The following TSHZ2 variants were observed in gnomAD, a reference collection of about 807,000 sequenced individuals.
TSHZ2 encodes the protein teashirt homolog 2.
In TSHZ2, 21 loss-of-function variants were observed where a neutral mutation model predicts 74.4. The observed-to-expected ratio is 0.28, with a 90% CI of 0.20 to 0.41. TSHZ2 has a LOEUF of 0.41. Ranked by LOEUF, TSHZ2 falls within the 10% of genes least tolerant of loss-of-function variation. TSHZ2 has a pLI of 1.00. For synonymous variants in TSHZ2, 540 were observed against 515.3 expected (o/e 1.05, Z -0.65); for missense variants, 1,244 against 1,293.5 (o/e 0.96, Z 0.59).
At chr20:53,483,900 T>C (rs1330987494) in intron 2 of TSHZ2, among the ~76,000 whole-genome samples, 1 of 152,174 alleles carries the variant, frequency 6.6e-6, no homozygotes, top group Non-Finnish European at 1.5e-5. Flanking sequence ...GAAGTGATAA[T>C]AAAACAAAGT....
At chr20:53,088,513 G>C (rs1985768355) in intron 1 of TSHZ2, among the ~76,000 whole-genome samples, 2 of 152,288 alleles carry the variant, frequency 1.3e-5, no homozygotes, top group South Asian at 4.2e-4. Flanking sequence ...CCGTCCTGCT[G>C]TTGTCAACTC....
intron 2 of TSHZ2, among the ~76,000 whole-genome samples, chr20:53,288,027 A>G (rs973210042): frequency 2.7e-4 from 41 of 152,166 alleles, no homozygotes; most frequent in African/African-American, 9.2e-4. Flanking sequence ...GAGGCTGGCC[A>G]TAGAGGAAAC....
intron 2 of TSHZ2, among the ~76,000 whole-genome samples, chr20:53,436,533 A>ATTTT (rs1444141242): frequency 6.0e-5 from 7 of 115,928 alleles, no homozygotes; most frequent in African/African-American, 1.7e-4. Context: ...ATTTATTATT[A>ATTTT]TTATTATTAT....
intron 1 of TSHZ2, among the ~76,000 whole-genome samples, chr20:53,242,314 C>T (rs961909321): frequency 4.6e-5 from 7 of 152,058 alleles, no homozygotes; most frequent in Non-Finnish European, 8.8e-5. Flanking sequence ...GAACAAAAAC[C>T]ACCCCCAGAA....
At chr20:53,336,917 A>G (rs932957328) in intron 2 of TSHZ2, among the ~76,000 whole-genome samples, 1 of 152,230 alleles carries the variant, frequency 6.6e-6, no homozygotes, top group African/African-American at 2.4e-5. Context: ...GCATATTTAT[A>G]TAATGTATTA....
chr20:53,324,618 CA>C (rs1384147813), intron 2 of TSHZ2, among the ~76,000 whole-genome samples: 1 of 152,134 alleles, frequency 6.6e-6, no homozygotes, highest in African/African-American at 2.4e-5. Flanking sequence ...TCAAGTGATC[CA>C]CCCACCTCAG....
chr20:53,464,874 C>T (rs570908651), intron 2 of TSHZ2, among the ~76,000 whole-genome samples: 1 of 152,204 alleles, frequency 6.6e-6, no homozygotes, highest in East Asian at 1.9e-4. Context: ...TCAAATGATC[C>T]TCCTGCCTCA....
chr20:53,046,298 C>T (rs1438887327), intron 1 of TSHZ2, among the ~76,000 whole-genome samples: 1 of 152,090 alleles, frequency 6.6e-6, no homozygotes. Context: ...GTTCTAGAAC[C>T]CTCCACAGCC....
At chr20:53,219,186 G>GTCTATT (rs1568819016) in intron 1 of TSHZ2, among the ~76,000 whole-genome samples, 2 of 152,184 alleles carry the variant, frequency 1.3e-5, no homozygotes, top group African/African-American at 4.8e-5. Flanking sequence ...TAAACACAGA[G>GTCTATT]TCTATTGAAA....
intron 1 of TSHZ2, among the ~76,000 whole-genome samples, chr20:53,197,372 G>C (rs1266031019): frequency 6.6e-6 from 1 of 152,136 alleles, no homozygotes; most frequent in African/African-American, 2.4e-5. Flanking sequence ...TTAGGTAGGT[G>C]CGTGCAAAGG....
chr20:52,979,366 G>A (rs1981475447), intron 1 of TSHZ2, among the ~76,000 whole-genome samples: 1 of 152,156 alleles, frequency 6.6e-6, no homozygotes, highest in Non-Finnish European at 1.5e-5. Context: ...AAACTAATGA[G>A]AAAGCACCTC....
Position 52,973,154 on chromosome 20 carries a change from CA to C in TSHZ2, c.-139del. ...GTGGAGGAGTTGCAGGGGGGATCGT[CA>C]GGGGGACAGAGGCCGAGTGACGTCC... is the stretch of plus-strand genomic sequence containing the variant. On this transcript the variant is annotated 5_prime_UTR_variant, in exon 1 of 3. It introduces an in-frame stop codon into an upstream open reading frame of the 5' UTR. Transcript: ENST00000371497. 1 of 1,101,252 alleles carries C rather than the reference CA, an allele frequency of 9.1e-7. No homozygotes were observed. Among genetic ancestry groups the C allele is most frequent in the South Asian group, 1.6e-5 (1 of 62,394 alleles). The allele number at this position is 1,101,252 out of a possible 1,614,324, so 68.2% of individuals were successfully genotyped here.
At chr20:53,149,850 G>A (rs116706897) in intron 1 of TSHZ2, among the ~76,000 whole-genome samples, 220 of 152,276 alleles carry the variant, frequency 1.4e-3, no homozygotes, top group African/African-American at 5.2e-3. Context: ...GCATAAGCAC[G>A]CTCGGAAAAT....
intron 1 of TSHZ2, among the ~76,000 whole-genome samples, chr20:52,995,769 T>C (rs534083402): frequency 6.7e-6 from 1 of 149,416 alleles, no homozygotes; most frequent in Non-Finnish European, 1.5e-5. Flanking sequence ...TACGCCTCCA[T>C]ACCTGGCTAA....
chr20:53,292,820 T>C (rs987007856), intron 2 of TSHZ2, among the ~76,000 whole-genome samples: 5 of 152,210 alleles, frequency 3.3e-5, no homozygotes, highest in African/African-American at 1.2e-4. Flanking sequence ...GGCCCTGTTA[T>C]CATTTTCCAA....
chr20:53,054,686 G>T (rs1302868428), intron 1 of TSHZ2, among the ~76,000 whole-genome samples: 2 of 152,182 alleles, frequency 1.3e-5, no homozygotes, highest in African/African-American at 4.8e-5. Flanking sequence ...ATTTGCAAAA[G>T]TAAGATGTTT....
intron 1 of TSHZ2, among the ~76,000 whole-genome samples, chr20:53,061,156 C>T (rs563590511): frequency 1.1e-4 from 17 of 152,224 alleles, no homozygotes; most frequent in South Asian, 6.2e-4. Flanking sequence ...CAACCCTGAA[C>T]GTTTTTTGAA....
Position 53,205,699 on chromosome 20 carries a change from T to A in TSHZ2, c.41-47800T>A, listed in dbSNP as rs73270701. ...TATGGAATAGACTCATGGGTGTGTT[T>A]GGGAATTGGAGGGTCCCTGGGAATG... On this transcript the variant is annotated intron_variant, in intron 1 of 2. Coordinates refer to ENST00000371497, the MANE Select transcript of TSHZ2 (RefSeq NM_173485.6). Among the ~76,000 whole-genome samples the A allele has an allele frequency of 4.4e-3, 673 of 152,298 alleles. 8 individuals carry two copies. Among genetic ancestry groups the A allele is most frequent in the African/African-American group, 0.016 (650 of 41,562 alleles).
intron 1 of TSHZ2, among the ~76,000 whole-genome samples, chr20:52,995,081 C>T (rs1600635852): frequency 6.6e-6 from 1 of 152,194 alleles, no homozygotes; most frequent in African/African-American, 2.4e-5. Flanking sequence ...AGTACCTAAC[C>T]TCAGCACCTC....
Sources: gnomAD v4.1 joint callset for allele counts (sites outside exome capture counted in the v4.1 genomes callset) on GRCh38, gnomAD v4.1.1 for gene constraint, MANE v1.5 for transcripts, NCBI Gene and HGNC (gene_info 2026-07-23, HGNC 2026-07-21) for gene names.